The following FARP2 variants were observed in gnomAD, a reference collection of about 807,000 sequenced individuals.
FARP2 encodes FERM, ARHGEF and pleckstrin domain-containing protein 2.
In FARP2, 111 loss-of-function variants were observed where a neutral mutation model predicts 130.5. The observed-to-expected ratio is 0.85, with a 90% CI of 0.73 to 1.00. The LOEUF (loss-of-function observed/expected upper bound fraction) is 1.00, where lower values mean the gene tolerates loss of function less well. FARP2 is among the 50% of genes least tolerant of loss of function. The probability of loss-of-function intolerance (pLI) is 0.00; values close to 1 mark genes in which losing one functional copy is unlikely to be tolerated. For missense variants in FARP2, 1,385 were observed against 1,346.3 expected, an observed-to-expected ratio of 1.03 and a Z score of -0.45; for synonymous variants, 504 against 516.9, an observed-to-expected ratio of 0.98 and a Z score of 0.34.
chr2:241,395,423 T>G (rs1352067140), intron 2 of FARP2: 1 of 152,252 alleles, frequency 6.6e-6, no homozygotes, highest in Non-Finnish European at 1.5e-5. Flanking sequence ...ATCTGTTTTT[T>G]CTATTTTGGT....
chr2:241,393,901 T>G (rs2061967330), intron 2 of FARP2, among the ~76,000 whole-genome samples: 1 of 152,248 alleles, frequency 6.6e-6, no homozygotes. Context: ...GTTTTGCTTT[T>G]TAACTTGTAT....
Position 241,494,233 on chromosome 2 carries a change from G to C in FARP2, c.*108G>C. On this transcript the variant is annotated 3_prime_UTR_variant, in exon 27 of 27. Coordinates refer to ENST00000264042, the MANE Select transcript of FARP2 (RefSeq NM_014808.4). This position sits in a 1 kb window ranked among gnomAD's most constrained non-coding sequence, Gnocchi z 4.9. ...ATGGGAAGTGGCTGTGGTCTCACTG[G>C]ATCCCCACTGGCACCAGCAGTGTGG... 1 of 595,894 alleles carries C rather than the reference G, an allele frequency of 1.7e-6. No individual in the cohort carries two copies. Among genetic ancestry groups the C allele is most frequent in the African/African-American group, 1.9e-5 (1 of 52,304 alleles). The allele number at this position is 595,894 out of a possible 1,614,324, so 36.9% of individuals were successfully genotyped here.
chr2:241,489,794 G>A (rs1245204738), intron 21 of FARP2, 168 bp from the exon 22 acceptor site: 2 of 565,568 alleles, frequency 3.5e-6, no homozygotes, highest in Non-Finnish European at 6.4e-6. Context: ...CCATGGCGCA[G>A]GGATACCAGT....
At chr2:241,465,493 G>A in intron 17 of FARP2, 3 of 1,550,610 alleles carry the variant, frequency 1.9e-6, no homozygotes, top group South Asian at 2.4e-5. Flanking sequence ...TGTAGCAGGG[G>A]TCACAAAAAT....
At chr2:241,364,924 G>A (rs1317476992) in intron 1 of FARP2, among the ~76,000 whole-genome samples, 1 of 152,104 alleles carries the variant, frequency 6.6e-6, no homozygotes, top group African/African-American at 2.4e-5. Context: ...TGAAGAATTT[G>A]CACTGTAATC....
At chr2:241,465,411 T>C in intron 17 of FARP2, 2 of 1,463,772 alleles carry the variant, frequency 1.4e-6, no homozygotes, top group Non-Finnish European at 1.9e-6. Context: ...GGCAGGGCCC[T>C]GGGACTTGTT....
intron 2 of FARP2, 77 bp downstream of exon 2, chr2:241,373,367 T>A (rs2061464930): frequency 1.9e-6 from 2 of 1,061,598 alleles, no homozygotes; most frequent in Non-Finnish European, 2.5e-6. Context: ...TCCATTTTGC[T>A]GGTTAGACTT....
At chr2:241,466,110 C>G (rs2064161017) in intron 17 of FARP2, 1 of 1,082,752 alleles carries the variant, frequency 9.2e-7, no homozygotes, top group South Asian at 2.9e-5. Context: ...GGGGAGGCAG[C>G]CAAGAGCTCT....
intron 8 of FARP2, among the ~76,000 whole-genome samples, chr2:241,418,649 T>C (rs1042564997): frequency 3.9e-5 from 6 of 152,330 alleles, no homozygotes; most frequent in African/African-American, 1.4e-4. Context: ...TTTGTATTAG[T>C]TGTGATGCAT....
intron 1 of FARP2, among the ~76,000 whole-genome samples, chr2:241,359,353 C>G (rs1257478854): frequency 6.6e-6 from 1 of 152,212 alleles, no homozygotes; most frequent in African/African-American, 2.4e-5. Context: ...CCCCGCCCAT[C>G]CTCCTGATTG....
rs571357883 is a variant in FARP2, at chr2:241,420,796, G to A, written c.771+2687G>A. Among the ~76,000 whole-genome samples the A allele has an allele frequency of 4.6e-5, 7 of 152,176 alleles. No homozygotes were observed. In the South Asian group the frequency reaches 1.0e-3, roughly 23 times the overall value. On this transcript the variant is annotated intron_variant, in intron 8 of 26. Transcript: ENST00000264042. ...TAGGAACCCAACCCCAGCAGACCCT[G>A]GGCTCCACAATTTCATCTCCATCAT...
At chr2:241,490,939 T>G in intron 22 of FARP2, 122 bp from the exon 23 acceptor site, 1 of 753,416 alleles carries the variant, frequency 1.3e-6, no homozygotes, top group Non-Finnish European at 2.4e-6. Context: ...CCCAGTCCTC[T>G]CACCAGGCAG....
chr2:241,455,512 C>G (rs1438931842), intron 13 of FARP2, among the ~76,000 whole-genome samples: 2 of 152,100 alleles, frequency 1.3e-5, no homozygotes, highest in East Asian at 1.9e-4. Flanking sequence ...TCCCAAGTAT[C>G]TGGGATTACA....
rs78588479 is a variant in FARP2 at position 241,364,792 on chromosome 2, G to A, written c.-24-8292G>A. On this transcript the variant is annotated intron_variant, in intron 1 of 26. Coordinates refer to ENST00000264042, the MANE Select transcript of FARP2 (RefSeq NM_014808.4). ...TTTTTAATACTTTTCATTTTTTCTTGACAACTATTCCTTCACAGTCATTTT... is the reference window on the plus strand; with the variant it reads ...TTTTTAATACTTTTCATTTTTTCTTAACAACTATTCCTTCACAGTCATTTT... 0.01 allele frequency among the ~76,000 whole-genome samples: 1,539 copies of A among 152,074 alleles called. 68 individuals carry two copies. In the East Asian group the frequency reaches 0.11, roughly 10 times the overall value.
chr2:241,486,717 C>T (rs1354824207), intron 21 of FARP2, among the ~76,000 whole-genome samples: 2 of 152,172 alleles, frequency 1.3e-5, no homozygotes, highest in African/African-American at 2.4e-5. Context: ...TGTCTTTCTG[C>T]ACATCCTTAA....
Position 241,475,787 on chromosome 2 carries a change from A to T in FARP2, c.2132-70A>T. ...CTTTTAGAATGCTGGTTCCTGTCAC[A>T]AGGTGGTGGGTGGAGGGTGCTGTGC... On this transcript the variant is annotated intron_variant, in intron 18 of 26. Transcript: ENST00000264042. The surrounding 1 kb of genome is among the most constrained non-coding windows in gnomAD (Gnocchi z 4.4). 1 of 1,376,602 alleles carries T rather than the reference A, an allele frequency of 7.3e-7. No individual in the cohort carries two copies. The highest frequency in any genetic ancestry group is 9.6e-7 in the Non-Finnish European group (1 of 1,039,208). 85.3% of individuals were successfully genotyped at this position (1,376,602 alleles called of 1,614,324 possible).
intron 17 of FARP2, among the ~76,000 whole-genome samples, chr2:241,464,230 C>T (rs962332733): frequency 2.0e-5 from 3 of 150,498 alleles, no homozygotes; most frequent in South Asian, 2.1e-4. Flanking sequence ...AGACCAGGGT[C>T]CCCCTCAGAG....
chr2:241,436,569 G>A (rs370710820), intron 12 of FARP2, 31 bp downstream of exon 12: 13 of 1,585,670 alleles, frequency 8.2e-6, no homozygotes, highest in African/African-American at 1.3e-5. Context: ...CATGGGGGCA[G>A]TAGGAGTTCC....
At chr2:241,463,716 G>T in intron 16 of FARP2, 183 bp from the exon 17 acceptor site, 1 of 679,828 alleles carries the variant, frequency 1.5e-6, no homozygotes. Context: ...CTGTTTTAGA[G>T]AATGGCCAGA....
Sources: allele counts gnomAD v4.1 joint callset (sites outside exome capture counted in the v4.1 genomes callset), GRCh38; gene constraint gnomAD v4.1.1; non-coding constraint Gnocchi (gnomAD v3.1); transcripts MANE v1.5; gene names NCBI Gene and HGNC (gene_info 2026-07-23, HGNC 2026-07-21).